Variants in MSH6 observed in about 807,000 individuals in gnomAD.
MSH6 encodes the protein mutS homolog 6, also known as DNA mismatch repair protein Msh6.
In MSH6, 85 loss-of-function variants were observed where a neutral mutation model predicts 119.1. The ratio of observed to expected loss-of-function variants is 0.71; its 90% confidence interval spans 0.60 to 0.85. The LOEUF is 0.85. Among genes scored for constraint, MSH6 ranks in the 40% least tolerant of loss-of-function variants. MSH6 has a pLI of 0.00. For synonymous variants in MSH6, 830 were observed against 586.9 expected (o/e 1.41, Z -5.99); for missense variants, 2,163 against 1,655.3 (o/e 1.31, Z -5.32).
chr2:47,790,323 C>G (rs974279979), intron 1 of MSH6, among the ~76,000 whole-genome samples: 2 of 152,150 alleles, frequency 1.3e-5, no homozygotes, highest in Admixed American at 6.5e-5. Flanking sequence ...ATTCAGGAGG[C>G]TGAGACACAA....
At chr2:47,790,639 G>A (rs552577755) in intron 1 of MSH6, among the ~76,000 whole-genome samples, 14 of 152,138 alleles carry the variant, frequency 9.2e-5, no homozygotes, top group Non-Finnish European at 1.5e-5. Flanking sequence ...CCTGCCATCA[G>A]CATTATACCA....
chr2:47,783,357 C>A lies in MSH6; in HGVS notation c.124C>A (p.Pro42Thr), dbSNP rs34014629. The A allele has an allele frequency of 6.2e-7, 1 of 1,606,986 alleles. No individual in the cohort carries two copies. The highest frequency in any genetic ancestry group is 2.2e-5 in the East Asian group (1 of 44,574). ...TGCCGCCGCTGCCCCCGGGGCCTCT[C>A]CTTCCCCAGGCGGGGATGCGGCCTG... Reference protein sequence around the residue: ...GRAAAAPGASPSPGGDAAWSE... With the variant: ...GRAAAAPGASTSPGGDAAWSE... Residue 42 changes from proline (P) to threonine (T), a missense_variant, in exon 1 of 10, where the codon CCT (proline) becomes ACT (threonine). By Grantham distance (38) the Pro-to-Thr change is conservative. Transcript: ENST00000234420.
rs863224621 is a variant in MSH6 at position 47,783,441 on chromosome 2, A to G, written c.208A>G (p.Lys70Glu). ...LARSASPPKAKNLNGGLRRSV... is the reference protein window; with the variant it reads ...LARSASPPKAENLNGGLRRSV... Reference sequence around the variant, plus strand: ...GCGCTCCGCGTCACCGCCCAAGGCGAAGAACCTCAACGGAGGGCTGCGGAG... The same window carrying G: ...GCGCTCCGCGTCACCGCCCAAGGCGGAGAACCTCAACGGAGGGCTGCGGAG... Residue 70 changes from lysine to glutamate, a missense_variant, in exon 1 of 10, where the codon AAG becomes GAG. Transcript: ENST00000234420. 25 of 1,497,474 alleles carry G rather than the reference A, an allele frequency of 1.7e-5. 1 individual carries two copies. The African/African-American group carries it at 2.3e-4, about 14-fold the overall frequency. 92.8% of individuals were successfully genotyped at this position (1,497,474 alleles called of 1,614,324 possible). A position where few individuals can be genotyped will look rare whatever the true frequency, so the allele number is the denominator to read the frequency against.
In MSH6 at chr2:47,806,879, T is replaced by TTTGAG. The variant is rs587779200; in HGVS notation, c.*24_*28dup. The TTTGAG allele has an allele frequency of 6.3e-6, 10 of 1,577,140 alleles. No homozygotes were observed. In the African/African-American group the frequency reaches 8.1e-5, roughly 13 times the overall value. ...ATTATAGACTGACTACATTGGAAGC[T>TTTGAG]TTGAGTTGACTTCTGACAAAGGTGG... is the stretch of plus-strand genomic sequence containing the variant. On this transcript the variant is annotated 3_prime_UTR_variant, in exon 10 of 10. Transcript: ENST00000234420.
At chr2:47,794,328 A>AG (rs1668939050) in intron 2 of MSH6, among the ~76,000 whole-genome samples, 1 of 151,654 alleles carries the variant, frequency 6.6e-6, no homozygotes, top group Non-Finnish European at 1.5e-5. Flanking sequence ...CTGGAGTGCA[A>AG]TGGTGCAGTC....
At chr2:47,784,051 T>C in intron 1 of MSH6, 1 of 1,011,972 alleles carries the variant, frequency 9.9e-7, no homozygotes, top group Admixed American at 6.0e-5. Context: ...CACTTAGAGG[T>C]AGTTAAGAGC....
rs587779261 is a variant in MSH6, at chr2:47,803,630, A to G, written c.3383A>G (p.Tyr1128Cys). 5 of 1,614,080 alleles carry G rather than the reference A, an allele frequency of 3.1e-6. No individual in the cohort carries two copies. In the African/African-American group the frequency reaches 4.0e-5, roughly 13 times the overall value. The change falls in exon 5 of 10, where the codon TAT becomes TGT. Residue 1128 changes from tyrosine to cysteine, a missense_variant. Physicochemically the swap from Tyr to Cys is radical, Grantham distance 194. Transcript: ENST00000234420. ...GAGGAGCAGGAAAATGGCAAAGCCT[A>G]TTGTGTGCTTGTTACTGGACCAAAT... ...EEEEQENGKA[Y>C]CVLVTGPNMG...
At chr2:47,809,307 T>C (rs911047192), downstream of MSH6, 1 of 1,309,258 alleles carries the variant, frequency 7.6e-7, no homozygotes, top group Non-Finnish European at 1.1e-6. Flanking sequence ...CAGAGGAATG[T>C]TAATATTTTA....
chr2:47,784,182 A>C, intron 1 of MSH6: 3 of 989,236 alleles, frequency 3.0e-6, no homozygotes, highest in East Asian at 9.1e-5. Context: ...GCGGGGCCTA[A>C]TTGGGCGGGG....
Position 47,806,315 on chromosome 2 carries a change from T to TAGA in MSH6, c.3762_3764dup (p.Glu1254dup), listed in dbSNP as rs587779937. The TAGA allele has an allele frequency of 1.9e-6, 3 of 1,614,156 alleles. No individual in the cohort carries two copies. Among genetic ancestry groups the TAGA allele is most frequent in the Non-Finnish European group, 1.7e-6 (2 of 1,179,996 alleles). ...TTTTCAACTCACTACCATTCATTAGTAGAAGATTATTCTCAAAATGTTGCT... is the reference window on the plus strand; with the variant it reads ...TTTTCAACTCACTACCATTCATTAGTAGAAGAAGATTATTCTCAAAATGTTGCT... On this transcript the variant is annotated inframe_insertion, in exon 8 of 10. Transcript: ENST00000234420.
chr2:47,788,906 CCTTTTTTTTTTTTTTGTTTTTTT>C (rs1432456635), intron 1 of MSH6, among the ~76,000 whole-genome samples: 18 of 15,836 alleles, frequency 1.1e-3, no homozygotes, highest in East Asian at 0.01. Context: ...CTTTCTTCTT[CCTTTTTTTTTTTTTTGTTTTTTT>C]TTTTTTTTTT....
At chr2:47,797,211 A>G (rs1414084516) in intron 3 of MSH6, among the ~76,000 whole-genome samples, 1 of 152,208 alleles carries the variant, frequency 6.6e-6, no homozygotes, top group African/African-American at 2.4e-5. Flanking sequence ...CTGAAAGATC[A>G]TTATCCTCTG....
rs1558662903 is a variant in MSH6 at position 47,799,755 on chromosome 2, C to T, written c.1772C>T (p.Pro591Leu). 2 of 1,614,186 alleles carry T rather than the reference C, an allele frequency of 1.2e-6. No homozygotes were observed. The highest frequency in any genetic ancestry group is 1.1e-5 in the South Asian group (1 of 91,076). Residue 591 changes from proline (P) to leucine (L), a missense_variant, in exon 4 of 10, where the codon CCA becomes CTA. Transcript: ENST00000234420. The stretch of plus-strand genomic sequence containing the variant: ...AGGACTCTAGTGGCACACTATCCCC[C>T]AGTACAAGTTTTATTTGAAAAAGGA... ...RFRTLVAHYP[P>L]VQVLFEKGNL... is the part of the protein sequence containing the mutation.
rs3136273 is a variant in MSH6 at position 47,789,788 on chromosome 2, A to G, written c.261-1139A>G. ...TACCTAATAGAATGTAAATGCTTTG[A>G]AATTAGTTGTTCAGCTGTATTTTAA... On this transcript the variant is annotated intron_variant, in intron 1 of 9. Transcript: ENST00000234420. Among the ~76,000 whole-genome samples, 763 of 152,188 alleles carry G rather than the reference A, an allele frequency of 5.0e-3. 5 individuals are homozygous for G. Among genetic ancestry groups the G allele is most frequent in the African/African-American group, 0.018 (731 of 41,534 alleles).
chr2:47,803,296 G>C lies in MSH6; in HGVS notation c.3173-124G>C, dbSNP rs546272696. On this transcript the variant is annotated intron_variant, in intron 4 of 9. Transcript: ENST00000234420. The stretch of plus-strand genomic sequence containing the variant: ...GGTAAGTATTTTGATGGGGGAGATC[G>C]TTGGACTGTAATTGAAAGTTATGTC... 71 of 1,285,518 alleles carry C rather than the reference G, an allele frequency of 5.5e-5. No individual in the cohort carries two copies. The East Asian group carries it at 1.3e-3, about 24-fold the overall frequency. 79.6% of individuals were successfully genotyped at this position (1,285,518 alleles called of 1,614,324 possible). A position where few individuals can be genotyped will look rare whatever the true frequency, so the allele number is the denominator to read the frequency against.
chr2:47,798,061 TG>T, intron 3 of MSH6: 1 of 211,818 alleles, frequency 4.7e-6, no homozygotes. Flanking sequence ...TTTGTGGGGT[TG>T]GTGTCTGCTA....
intron 1 of MSH6, chr2:47,783,823 GTGGGGA>G: frequency 1.4e-6 from 1 of 735,924 alleles, no homozygotes; most frequent in Non-Finnish European, 1.7e-6. Flanking sequence ...GCAGCTCCGG[GTGGGGA>G]GGGGGCCTGG....
intron 2 of MSH6, among the ~76,000 whole-genome samples, chr2:47,793,339 A>G (rs1252194114): frequency 2.8e-5 from 4 of 143,554 alleles, no homozygotes; most frequent in Non-Finnish European, 6.2e-5. Context: ...AAAAAAAAAA[A>G]AAAAAAAAGG....
chr2:47,809,133 G>A (rs543776356), downstream of MSH6: 17 of 1,383,718 alleles, frequency 1.2e-5, no homozygotes, highest in East Asian at 3.7e-4. Context: ...CCTCTTTTCA[G>A]GACTCAAATA....
Sources: allele counts gnomAD v4.1 joint callset (sites outside exome capture counted in the v4.1 genomes callset), GRCh38; gene constraint gnomAD v4.1.1; transcripts MANE v1.5; gene names NCBI Gene and HGNC (gene_info 2026-07-23, HGNC 2026-07-21).